Variants in TENM3 observed in about 807,000 individuals in gnomAD.
TENM3 encodes the protein teneurin-3.
TENM3 carries 63 observed loss-of-function variants against 255.1 expected under a neutral mutation model. The observed-to-expected ratio is 0.25, with a 90% CI of 0.20 to 0.30. The LOEUF is 0.30. Ranked by LOEUF, TENM3 falls within the 10% of genes least tolerant of loss-of-function variation. The pLI, the probability that TENM3 is intolerant of heterozygous loss-of-function variation, is 1.00. For synonymous variants in TENM3, 1,306 were observed against 1,322.3 expected (o/e 0.99, Z 0.27); for missense variants, 2,929 against 3,461.1 (o/e 0.85, Z 3.86).
rs551238646 is a variant in TENM3, at chr4:182,541,899, A to C, written c.512-59025A>C. Among the ~76,000 whole-genome samples the C allele has an allele frequency of 5.3e-5, 8 of 151,854 alleles. No homozygotes were observed. The South Asian group carries it at 1.7e-3, about 32-fold the overall frequency. On this transcript the variant is annotated intron_variant, in intron 3 of 27. Coordinates refer to ENST00000511685, the MANE Select transcript of TENM3 (RefSeq NM_001080477.4). ...CATAGCAAGACCCCGTCTCTACAAA[A>C]CTTAAAAAAAAAAATTAGCGAGGCG...
chr4:181,793,958 C>T, the TENM3 span, among the ~76,000 whole-genome samples: 24 of 152,222 alleles, frequency 1.6e-4, 1 homozygote, highest in East Asian at 4.4e-3. Context: ...TTATATACCT[C>T]CTGTTGTTTT....
At chr4:181,852,604 G>T in the TENM3 span, among the ~76,000 whole-genome samples, 10 of 152,180 alleles carry the variant, frequency 6.6e-5, no homozygotes, top group Non-Finnish European at 1.2e-4. Flanking sequence ...ATAAATGTCA[G>T]TTATTCCTTT....
intron 3 of TENM3, among the ~76,000 whole-genome samples, chr4:182,501,388 G>A (rs1214395748): frequency 6.7e-6 from 1 of 150,202 alleles, no homozygotes; most frequent in Non-Finnish European, 1.5e-5. Flanking sequence ...GGGGGGGTTG[G>A]CAATTAATCT....
At chr4:181,497,824 A>G in the TENM3 span, among the ~76,000 whole-genome samples, 2 of 152,214 alleles carry the variant, frequency 1.3e-5, no homozygotes, top group Non-Finnish European at 2.9e-5. Flanking sequence ...CTAACCAAGA[A>G]TAAGTTCAAT....
intron 1 of TENM3, among the ~76,000 whole-genome samples, chr4:182,196,918 T>C (rs2149809589): frequency 6.6e-6 from 1 of 152,254 alleles, no homozygotes; most frequent in South Asian, 2.1e-4. Flanking sequence ...CGTCCTCAAA[T>C]GTGATGCATC....
chr4:182,208,545 AATACAG>A (rs1337133978), intron 1 of TENM3, among the ~76,000 whole-genome samples: 1 of 152,242 alleles, frequency 6.6e-6, no homozygotes, highest in Non-Finnish European at 1.5e-5. Flanking sequence ...TTTTAAATGT[AATACAG>A]GTCTACTAAT....
chr4:182,403,549 C>T (rs1274259508), intron 3 of TENM3, among the ~76,000 whole-genome samples: 1 of 152,110 alleles, frequency 6.6e-6, no homozygotes, highest in Non-Finnish European at 1.5e-5. Context: ...AAACATCAGA[C>T]TGAATTATGT....
the TENM3 span, among the ~76,000 whole-genome samples, chr4:181,965,001 G>C: frequency 1.3e-5 from 2 of 152,158 alleles, no homozygotes; most frequent in Non-Finnish European, 2.9e-5. Context: ...CAATGGTTCA[G>C]AGAAAGGCGA....
At position 182,800,162 on chromosome 4, in the gene TENM3, G is replaced by A; in HGVS notation, c.7911G>A (p.Gln2637=). The A allele has an allele frequency of 6.8e-7, 1 of 1,471,448 alleles. No individual in the cohort carries two copies. The highest frequency in any genetic ancestry group is 8.9e-7 in the Non-Finnish European group (1 of 1,121,308). The allele number at this position is 1,471,448 out of a possible 1,614,324, so 91.1% of individuals were successfully genotyped here. ...RALARAWARE[Q]QRVRDGEEGA... is the part of the protein sequence containing the mutation. ...TCGCCCGGGCCTGGGCGCGCGAGCA[G>A]CAGCGCGTGCGCGACGGCGAGGAGG... The change falls in exon 28 of 28, where the codon CAG becomes CAA. Residue 2637 remains glutamine (Q), a synonymous_variant. Transcript: ENST00000511685.
At chr4:181,861,406 C>T in the TENM3 span, among the ~76,000 whole-genome samples, 1 of 152,212 alleles carries the variant, frequency 6.6e-6, no homozygotes, top group Admixed American at 6.5e-5. Context: ...AAGTCTTTAA[C>T]AGATGTAAAA....
At position 182,318,590 on chromosome 4, in the gene TENM3, G is replaced by A. The variant is rs144576655; in HGVS notation, c.-75-5356G>A. On this transcript the variant is annotated intron_variant, in intron 1 of 27. Transcript: ENST00000511685. ...ATTCATTCATTCAGTCAAATACTTT[G>A]CAGAGTGTTGGGAAGAAGCAAATAA... 7.5e-4 allele frequency among the ~76,000 whole-genome samples: 114 copies of A among 152,252 alleles called. 1 individual carries two copies. The East Asian group carries it at 0.021, about 28-fold the overall frequency.
chr4:182,108,762 G>A, the TENM3 span, among the ~76,000 whole-genome samples: 1 of 152,128 alleles, frequency 6.6e-6, no homozygotes, highest in African/African-American at 2.4e-5. Context: ...TCAAAATGTG[G>A]TCTCTCAGCT....
At chr4:181,984,273 T>C in the TENM3 span, among the ~76,000 whole-genome samples, 1 of 152,112 alleles carries the variant, frequency 6.6e-6, no homozygotes, top group African/African-American at 2.4e-5. Flanking sequence ...CAAATACAAA[T>C]AAATAAATGT....
At chr4:181,762,011 C>T in the TENM3 span, among the ~76,000 whole-genome samples, 2 of 152,156 alleles carry the variant, frequency 1.3e-5, no homozygotes, top group African/African-American at 4.8e-5. Flanking sequence ...CATGTGGGCT[C>T]ACTGGATGAT....
chr4:182,351,273 G>A (rs1419054313), intron 3 of TENM3, among the ~76,000 whole-genome samples: 2 of 152,138 alleles, frequency 1.3e-5, no homozygotes, highest in African/African-American at 4.8e-5. Flanking sequence ...ATGTAAGTGG[G>A]AAAACATGTA....
chr4:182,661,830 A>G (rs1450162567), intron 6 of TENM3, among the ~76,000 whole-genome samples: 1 of 152,170 alleles, frequency 6.6e-6, no homozygotes, highest in Admixed American at 6.5e-5. Flanking sequence ...TTCCGCAACA[A>G]TTGCAGTTAG....
At chr4:181,944,282 G>C in the TENM3 span, among the ~76,000 whole-genome samples, 4 of 152,102 alleles carry the variant, frequency 2.6e-5, no homozygotes, top group African/African-American at 9.7e-5. Flanking sequence ...TCTTGGGGGG[G>C]TCCCAAGTCC....
In TENM3 at chr4:182,789,081, G is replaced by A. The variant is rs1258620094; in HGVS notation, c.5305-12G>A. The stretch of plus-strand genomic sequence containing the variant: ...CATGATTTATTTTATCATCTTGTTG[G>A]TGTTGTAACAGGTTAATGGCAGAAA... On this transcript the variant is annotated splice_polypyrimidine_tract_variant and intron_variant, in intron 24 of 27. Transcript: ENST00000511685. The surrounding 1 kb of genome is among the most constrained non-coding windows in gnomAD (Gnocchi z 4.4). 6.3e-7 allele frequency: 1 copy of A among 1,595,446 alleles called. No individual in the cohort carries two copies.
intron 3 of TENM3, among the ~76,000 whole-genome samples, chr4:182,424,918 T>C (rs985726223): frequency 1.3e-5 from 2 of 152,170 alleles, no homozygotes; most frequent in Non-Finnish European, 1.5e-5. Flanking sequence ...TAAGCCCCAA[T>C]TGAGTATAGA....
Sources: allele counts gnomAD v4.1 joint callset (sites outside exome capture counted in the v4.1 genomes callset), GRCh38; gene constraint gnomAD v4.1.1; non-coding constraint Gnocchi (gnomAD v3.1); transcripts MANE v1.5; gene names NCBI Gene and HGNC (gene_info 2026-07-23, HGNC 2026-07-21).